ADAMTS19: variants seen among roughly 807,000 people sequenced by gnomAD.
ADAMTS19 encodes the protein A disintegrin and metalloproteinase with thrombospondin motifs 19.
A neutral mutation model predicts 153.3 loss-of-function variants in ADAMTS19; 93 were observed. The observed-to-expected ratio is 0.61, with a 90% confidence interval of 0.51 to 0.72. The LOEUF (loss-of-function observed/expected upper bound fraction) is 0.72, where lower values mean the gene tolerates loss of function less well. Among genes scored for constraint, ADAMTS19 ranks in the 30% least tolerant of loss-of-function variants. ADAMTS19 has a pLI of 0.00. For missense variants in ADAMTS19, 1,482 were observed against 1,552.1 expected, an observed-to-expected ratio of 0.95 and a Z score of 0.76; for synonymous variants, 600 against 556.6, an observed-to-expected ratio of 1.08 and a Z score of -1.10.
intron 21 of ADAMTS19, among the ~76,000 whole-genome samples, chr5:129,713,879 C>G (rs1402196129): frequency 6.6e-6 from 1 of 152,102 alleles, no homozygotes; most frequent in Admixed American, 6.5e-5. Context: ...AGCATCTACA[C>G]AACCAGGGTT....
chr5:129,569,852 T>C (rs1753834864), intron 7 of ADAMTS19, among the ~76,000 whole-genome samples: 1 of 151,960 alleles, frequency 6.6e-6, no homozygotes. Context: ...TAAATGTTCT[T>C]ATTATAAAAA....
At chr5:129,734,330 C>T (rs532104902) in intron 21 of ADAMTS19, among the ~76,000 whole-genome samples, 1 of 151,842 alleles carries the variant, frequency 6.6e-6, no homozygotes, top group South Asian at 2.1e-4. Context: ...TACCTTTTAC[C>T]TGAGAAATTC....
At chr5:129,698,438 G>A (rs1244936880) in intron 19 of ADAMTS19, among the ~76,000 whole-genome samples, 1 of 152,094 alleles carries the variant, frequency 6.6e-6, no homozygotes, top group East Asian at 1.9e-4. Context: ...GCATTCTATG[G>A]GTGAAATATA....
At chr5:129,574,835 T>C (rs1417002730) in intron 7 of ADAMTS19, among the ~76,000 whole-genome samples, 1 of 147,654 alleles carries the variant, frequency 6.8e-6, no homozygotes, top group South Asian at 2.2e-4. Context: ...AATCAGAAAT[T>C]TTTTTAAGTA....
chr5:129,700,472 A>AAG (rs1755782980), intron 19 of ADAMTS19, among the ~76,000 whole-genome samples: 1 of 152,148 alleles, frequency 6.6e-6, no homozygotes, highest in Admixed American at 6.5e-5. Context: ...TTATCCAGGT[A>AAG]AGAGGTCAAT....
At chr5:129,575,990 A>AT (rs1033834805) in intron 7 of ADAMTS19, among the ~76,000 whole-genome samples, 5 of 145,914 alleles carry the variant, frequency 3.4e-5, no homozygotes, top group South Asian at 2.3e-4. Flanking sequence ...TGCAGACATA[A>AT]TTTTTTTTAA....
intron 15 of ADAMTS19, among the ~76,000 whole-genome samples, chr5:129,665,027 T>C (rs1390223227): frequency 6.6e-6 from 1 of 152,144 alleles, no homozygotes; most frequent in African/African-American, 2.4e-5. Context: ...CAGAAAATGC[T>C]TGGTCTCTAG....
chr5:129,658,691 A>G lies in ADAMTS19; in HGVS notation c.2379A>G (p.Lys793=), dbSNP rs374284154. The G allele has an allele frequency of 1.2e-5, 20 of 1,612,998 alleles. No homozygotes were observed. The African/African-American group carries it at 2.7e-4, about 22-fold the overall frequency. Residue 793 remains lysine (K), a synonymous_variant, in exon 15 of 23, where the codon AAA becomes AAG. Coordinates refer to ENST00000274487, the MANE Select transcript of ADAMTS19 (RefSeq NM_133638.6). ...DHCGVCNGNG[K]SCKIIKGDFN... is the part of the protein sequence containing the mutation. ...GTGGTGTATGCAATGGCAATGGAAA[A>G]TCATGCAAGATCATTAAAGGGGATT...
rs377320559 is a variant in ADAMTS19 at position 129,735,039 on chromosome 5, A to G, written c.3420A>G (p.Ala1140=). 1.7e-5 allele frequency: 28 copies of G among 1,612,156 alleles called. No homozygotes were observed. The highest frequency in any genetic ancestry group is 2.1e-5 in the Non-Finnish European group (25 of 1,178,992). The part of the protein sequence containing the change: ...NECFSSEKPA[A]YRPCHLQPCN... ...GTTTTTCCTCAGAAAAACCTGCAGCATACAGGCCATGCCATCTTCAACCCT... is the reference window on the plus strand; with the variant it reads ...GTTTTTCCTCAGAAAAACCTGCAGCGTACAGGCCATGCCATCTTCAACCCT... Residue 1140 remains alanine, a synonymous_variant, in exon 22 of 23, where the codon GCA becomes GCG. Coordinates refer to ENST00000274487, the MANE Select transcript of ADAMTS19 (RefSeq NM_133638.6).
At chr5:129,682,621 G>A (rs30641) in intron 17 of ADAMTS19, among the ~76,000 whole-genome samples, 101,750 of 151,904 alleles carry the variant, frequency 0.67, 35,389 homozygotes, top group Non-Finnish European at 0.77. Context: ...GGGTATAGTC[G>A]TAAGGTATAT....
At chr5:129,588,931 CT>C (rs1455766085) in intron 7 of ADAMTS19, among the ~76,000 whole-genome samples, 6 of 151,588 alleles carry the variant, frequency 4.0e-5, no homozygotes, top group Non-Finnish European at 8.9e-5. Flanking sequence ...CAGTTGTTTT[CT>C]TTTTTACTTC....
rs144146160 is a variant in ADAMTS19 at position 129,476,218 on chromosome 5, A to G, written c.747+14461A>G. ...AGCTACTGGTAGTCCATATTACAGT[A>G]TTTAAAATGAACAATTTCAAACCAC... On this transcript the variant is annotated intron_variant, in intron 2 of 22. Coordinates refer to ENST00000274487, the MANE Select transcript of ADAMTS19 (RefSeq NM_133638.6). Among the ~76,000 whole-genome samples the G allele has an allele frequency of 4.7e-3, 721 of 152,296 alleles. 6 individuals carry two copies. Among genetic ancestry groups the G allele is most frequent in the African/African-American group, 0.015 (623 of 41,546 alleles).
At chr5:129,643,382 A>AAAAAAAG (rs1554101887) in intron 11 of ADAMTS19, among the ~76,000 whole-genome samples, 74 of 142,752 alleles carry the variant, frequency 5.2e-4, no homozygotes, top group East Asian at 2.1e-3. Flanking sequence ...AAAAAAAAAA[A>AAAAAAAG]AAAAGAAAAA....
At chr5:129,663,606 T>A (rs921414704) in intron 15 of ADAMTS19, among the ~76,000 whole-genome samples, 1 of 152,228 alleles carries the variant, frequency 6.6e-6, no homozygotes, top group African/African-American at 2.4e-5. Context: ...GAAATTTTTT[T>A]CTACAGAGTA....
Position 129,738,580 on chromosome 5 carries a change from T to G in ADAMTS19, c.*1362T>G, listed in dbSNP as rs1264854175. ...ATGTTCTGAGGTCACCTGGCTCTCT[T>G]CATGTCACCCTTTGGGAAATGGGGC... On this transcript the variant is annotated 3_prime_UTR_variant, in exon 23 of 23. Coordinates refer to ENST00000274487, the MANE Select transcript of ADAMTS19 (RefSeq NM_133638.6). 2 of 152,024 alleles carry G rather than the reference T, an allele frequency of 1.3e-5. No homozygotes were observed. Among genetic ancestry groups the G allele is most frequent in the African/African-American group, 4.8e-5 (2 of 41,402 alleles). 9.4% of individuals were successfully genotyped at this position (152,024 alleles called of 1,614,324 possible).
chr5:129,562,639 C>T (rs892187579), intron 7 of ADAMTS19, among the ~76,000 whole-genome samples: 16 of 150,952 alleles, frequency 1.1e-4, no homozygotes, highest in Admixed American at 5.9e-4. Context: ...TGTGTGTGTG[C>T]GTGTGTGTGT....
chr5:129,675,420 G>A (rs1330567000), intron 16 of ADAMTS19, among the ~76,000 whole-genome samples: 2 of 152,024 alleles, frequency 1.3e-5, no homozygotes, highest in Admixed American at 6.6e-5. Context: ...GACAGTTATG[G>A]TCTGTTCATT....
intron 8 of ADAMTS19, among the ~76,000 whole-genome samples, chr5:129,611,530 A>G (rs1751216654): frequency 6.6e-6 from 1 of 152,180 alleles, no homozygotes; most frequent in South Asian, 2.1e-4. Flanking sequence ...TCCCAGCACC[A>G]TTTATTAAAT....
intron 7 of ADAMTS19, among the ~76,000 whole-genome samples, chr5:129,557,743 G>A (rs1753363716): frequency 6.6e-6 from 1 of 151,908 alleles, no homozygotes; most frequent in Non-Finnish European, 1.5e-5. Flanking sequence ...GAAAATGGAG[G>A]GATTAAAACT....
Sources: allele counts gnomAD v4.1 joint callset (sites outside exome capture counted in the v4.1 genomes callset), GRCh38; gene constraint gnomAD v4.1.1; transcripts MANE v1.5; gene names NCBI Gene and HGNC (gene_info 2026-07-23, HGNC 2026-07-21).